The following TUNAR variants were observed in gnomAD, a reference collection of about 807,000 sequenced individuals.
TUNAR encodes protein TUNAR.
chr14:95,921,840 A>G (rs1402557388), intron 2 of TUNAR, among the ~76,000 whole-genome samples: 1 of 152,086 alleles, frequency 6.6e-6, no homozygotes, highest in Non-Finnish European at 1.5e-5. Context: ...GTACTGCACA[A>G]ATTTGTCTGC....
intron 2 of TUNAR, among the ~76,000 whole-genome samples, chr14:95,913,097 CTT>C (rs751261623): frequency 1.5e-5 from 2 of 130,588 alleles, no homozygotes. Context: ...AGCCGGGCAT[CTT>C]TTTTTTTTTA....
At chr14:95,889,197 C>T (rs191211883) in intron 2 of TUNAR, among the ~76,000 whole-genome samples, 8 of 152,232 alleles carry the variant, frequency 5.3e-5, no homozygotes, top group Admixed American at 2.6e-4. Context: ...GCCACATTCT[C>T]ACTTTCTTGG....
At chr14:95,898,270 A>G (rs1889295444) in intron 2 of TUNAR, among the ~76,000 whole-genome samples, 1 of 152,124 alleles carries the variant, frequency 6.6e-6, no homozygotes, top group Non-Finnish European at 1.5e-5. Flanking sequence ...TTTGTAGATT[A>G]TTTATTCTCT....
chr14:95,911,413 G>A (rs768075853), intron 2 of TUNAR, among the ~76,000 whole-genome samples: 3 of 152,252 alleles, frequency 2.0e-5, no homozygotes, highest in South Asian at 2.1e-4. Flanking sequence ...TGTGTTTTCC[G>A]TTCACTGGGC....
intron 2 of TUNAR, among the ~76,000 whole-genome samples, chr14:95,884,333 C>G (rs1451510461): frequency 6.6e-6 from 1 of 152,164 alleles, no homozygotes; most frequent in Non-Finnish European, 1.5e-5. Flanking sequence ...CTCTTCATGT[C>G]ACAGCCCTAG....
chr14:95,920,973 G>T (rs1313452871), intron 2 of TUNAR, among the ~76,000 whole-genome samples: 1 of 152,218 alleles, frequency 6.6e-6, no homozygotes, highest in Non-Finnish European at 1.5e-5. Context: ...CAGTGGTGTG[G>T]TTCCATCTGA....
At chr14:95,900,805 A>G (rs192094106) in intron 2 of TUNAR, among the ~76,000 whole-genome samples, 2 of 152,294 alleles carry the variant, frequency 1.3e-5, no homozygotes, top group Admixed American at 1.3e-4. Flanking sequence ...TCATGACAAA[A>G]GGGGAGAAGC....
At chr14:95,913,379 C>T (rs1047720970) in intron 2 of TUNAR, among the ~76,000 whole-genome samples, 25 of 152,114 alleles carry the variant, frequency 1.6e-4, no homozygotes, top group Non-Finnish European at 5.9e-5. Flanking sequence ...CATGTGTTCT[C>T]ATTGTTCAAC....
chr14:95,902,537 C>G (rs1889370605), intron 2 of TUNAR, among the ~76,000 whole-genome samples: 1 of 152,192 alleles, frequency 6.6e-6, no homozygotes, highest in Non-Finnish European at 1.5e-5. Context: ...GCTAGCATGG[C>G]CAAGCCATTT....
At chr14:95,883,859 C>G (rs564862480) in intron 2 of TUNAR, among the ~76,000 whole-genome samples, 1 of 152,298 alleles carries the variant, frequency 6.6e-6, no homozygotes, top group South Asian at 2.1e-4. Context: ...ATGGGTGGAC[C>G]TTGCTGCAGA....
At chr14:95,898,204 A>G (rs1490790846) in intron 2 of TUNAR, among the ~76,000 whole-genome samples, 2 of 152,242 alleles carry the variant, frequency 1.3e-5, no homozygotes, top group Non-Finnish European at 2.9e-5. Flanking sequence ...TGCCTTCAGA[A>G]TTTTGAAGAC....
chr14:95,902,090 T>A (rs1595120958), intron 2 of TUNAR, among the ~76,000 whole-genome samples: 1 of 152,140 alleles, frequency 6.6e-6, no homozygotes, highest in Non-Finnish European at 1.5e-5. Flanking sequence ...ATCCTTTAGT[T>A]GTGATGGGAT....
At chr14:95,884,121 GCTC>G (rs779248406) in intron 2 of TUNAR, among the ~76,000 whole-genome samples, 3 of 152,050 alleles carry the variant, frequency 2.0e-5, no homozygotes, top group Non-Finnish European at 2.9e-5. Context: ...CACGCTTCCC[GCTC>G]CTCCTCCTCT....
At chr14:95,890,157 T>A (rs1032491269) in intron 2 of TUNAR, among the ~76,000 whole-genome samples, 23 of 152,186 alleles carry the variant, frequency 1.5e-4, no homozygotes, top group Non-Finnish European at 2.9e-4. Flanking sequence ...GATTTTTTTT[T>A]ATAAGAAATT....
chr14:95,907,087 A>G (rs1431329480), intron 2 of TUNAR, among the ~76,000 whole-genome samples: 1 of 152,166 alleles, frequency 6.6e-6, no homozygotes, highest in Admixed American at 6.5e-5. Context: ...CTAAGTTAAC[A>G]TTGGGTCCTT....
At chr14:95,904,883 A>T (rs999384399) in intron 2 of TUNAR, among the ~76,000 whole-genome samples, 1 of 152,118 alleles carries the variant, frequency 6.6e-6, no homozygotes, top group African/African-American at 2.4e-5. Context: ...TGTTCCAGAG[A>T]TCCCTTCAGT....
At chr14:95,910,378 T>A (rs1311828842) in intron 2 of TUNAR, among the ~76,000 whole-genome samples, 1 of 152,170 alleles carries the variant, frequency 6.6e-6, no homozygotes, top group African/African-American at 2.4e-5. Context: ...CCAGCGTAGA[T>A]TAAATACTAA....
chr14:95,903,188 C>T (rs1334290404), intron 2 of TUNAR, among the ~76,000 whole-genome samples: 1 of 152,210 alleles, frequency 6.6e-6, no homozygotes, highest in African/African-American at 2.4e-5. Context: ...GGAGATGTTT[C>T]TCCCGCTCGC....
At chr14:95,892,481 C>A (rs1295834478) in intron 2 of TUNAR, among the ~76,000 whole-genome samples, 13 of 152,270 alleles carry the variant, frequency 8.5e-5, no homozygotes, top group Admixed American at 8.5e-4. Flanking sequence ...GGGCTCCTGG[C>A]AGCACCTGGT....
Sources: allele counts gnomAD v4.1 joint callset (sites outside exome capture counted in the v4.1 genomes callset), GRCh38; gene constraint gnomAD v4.1.1; transcripts MANE v1.5; gene names NCBI Gene and HGNC (gene_info 2026-07-23, HGNC 2026-07-21).